The following DCBLD2 variants were observed in gnomAD, a reference collection of about 807,000 sequenced individuals.
DCBLD2 encodes discoidin, CUB and LCCL domain containing 2.
Under a neutral mutation model 86.8 loss-of-function variants are expected in DCBLD2, and 54 were observed. The observed-to-expected ratio is 0.62, with a 90% confidence interval of 0.50 to 0.78. DCBLD2 has a LOEUF of 0.78. Among genes scored for constraint, DCBLD2 ranks in the 30% least tolerant of loss-of-function variants. The pLI, the probability that DCBLD2 is intolerant of heterozygous loss-of-function variation, is 0.00. For synonymous variants in DCBLD2, 354 were observed against 341.3 expected (o/e 1.04, Z -0.41); for missense variants, 908 against 954.2 (o/e 0.95, Z 0.64).
Position 98,831,637 on chromosome 3 carries a change from T to C in DCBLD2, c.572-6271A>G, listed in dbSNP as rs72934691. Among the ~76,000 whole-genome samples, 931 of 152,334 alleles carry C rather than the reference T, an allele frequency of 6.1e-3. 8 individuals are homozygous for C. Among genetic ancestry groups the C allele is most frequent in the African/African-American group, 0.021 (876 of 41,580 alleles). On this transcript the variant is annotated intron_variant, in intron 3 of 15. Coordinates refer to ENST00000326840, the MANE Select transcript of DCBLD2 (RefSeq NM_080927.4). The stretch of plus-strand genomic sequence containing the variant: ...AATGCCTTAGCTGCATCCCGGAGAT[T>C]CTGGAATGTTGTATCTTTGTTCTCA...
Position 98,822,335 on chromosome 3 carries a change from C to T in DCBLD2, c.723G>A (p.Val241=), listed in dbSNP as rs199596311. 2,249 of 1,613,944 alleles carry T rather than the reference C, an allele frequency of 1.4e-3. 3 individuals carry two copies. The highest frequency in any genetic ancestry group is 2.4e-3 in the Admixed American group (146 of 60,014). The change falls in exon 6 of 16, where the codon GTG becomes GTA. Residue 241 remains valine (V), a synonymous_variant. Coordinates refer to ENST00000326840, the MANE Select transcript of DCBLD2 (RefSeq NM_080927.4). ...RDSSPLCMAG[V]HAGVVSNTLG... is the part of the protein sequence containing the mutation. ...ACGTGTTTGACACTACTCCTGCATG[C>T]ACACCAGCCATGCACAATGGCGAGG... is the stretch of plus-strand genomic sequence containing the variant.
At chr3:98,845,350 C>T (rs146976977) in intron 3 of DCBLD2, among the ~76,000 whole-genome samples, 1,716 of 152,290 alleles carry the variant, frequency 0.011, 7 homozygotes, top group Non-Finnish European at 0.018. Context: ...AAGAGGGCTT[C>T]CTAATGCTCA....
At chr3:98,859,735 A>T (rs1231303214) in intron 2 of DCBLD2, among the ~76,000 whole-genome samples, 2 of 152,230 alleles carry the variant, frequency 1.3e-5, no homozygotes, top group Non-Finnish European at 2.9e-5. Context: ...TGTCACCAAC[A>T]TCAAAGACCA....
chr3:98,817,618 A>G (rs1942046766), intron 9 of DCBLD2, 151 bp downstream of exon 9: 3 of 613,762 alleles, frequency 4.9e-6, no homozygotes, highest in Non-Finnish European at 7.8e-6. Context: ...AAGTCAGTAG[A>G]GTAAGGCCAA....
Position 98,849,449 on chromosome 3 carries a change from G to C in DCBLD2, c.571+12C>G. 6.2e-7 allele frequency: 1 copy of C among 1,613,834 alleles called. No individual in the cohort carries two copies. Among genetic ancestry groups the C allele is most frequent in the East Asian group, 2.2e-5 (1 of 44,840 alleles). ...ACAAACTGTAGGAACCATTGCAAAAGGTGAAAATTACCTTGTTTATCTATA... is the reference window on the plus strand; with the variant it reads ...ACAAACTGTAGGAACCATTGCAAAACGTGAAAATTACCTTGTTTATCTATA... On this transcript the variant is annotated intron_variant, in intron 3 of 15. Coordinates refer to ENST00000326840, the MANE Select transcript of DCBLD2 (RefSeq NM_080927.4).
rs1258647666 is a variant in DCBLD2, at chr3:98,887,743, C to T, written c.206-5976G>A. 3.9e-5 allele frequency among the ~76,000 whole-genome samples: 6 copies of T among 151,910 alleles called. No homozygotes were observed. The East Asian group carries it at 9.6e-4, about 24-fold the overall frequency. ...GAAAGAACAGATATTTGTCATATAT[C>T]CCTTGCCCCTACACTTGCATAGCCT... On this transcript the variant is annotated intron_variant, in intron 1 of 15. Transcript: ENST00000326840.
chr3:98,857,960 C>T lies in DCBLD2; in HGVS notation c.434-8362G>A, dbSNP rs567847739. Among the ~76,000 whole-genome samples the T allele has an allele frequency of 9.3e-4, 142 of 152,376 alleles. 1 individual carries two copies. Among genetic ancestry groups the T allele is most frequent in the African/African-American group, 2.9e-3 (122 of 41,592 alleles). Reference sequence around the variant, plus strand: ...CAGGTGGAGCTGCCTGCCAGTCCCGCGCCGTGCGCCCGCACTCCTCAGCCC... The same window carrying T: ...CAGGTGGAGCTGCCTGCCAGTCCCGTGCCGTGCGCCCGCACTCCTCAGCCC... On this transcript the variant is annotated intron_variant, in intron 2 of 15. Coordinates refer to ENST00000326840, the MANE Select transcript of DCBLD2 (RefSeq NM_080927.4).
Position 98,799,523 on chromosome 3 carries a change from G to C in DCBLD2, c.2177C>G (p.Ser726Cys), listed in dbSNP as rs1418633939. The change falls in exon 16 of 16, where the codon TCC becomes TGC. Residue 726 changes from serine (S) to cysteine (C), a missense_variant. Physicochemically the swap from Ser to Cys is moderately radical, Grantham distance 112. Coordinates refer to ENST00000326840, the MANE Select transcript of DCBLD2 (RefSeq NM_080927.4). ...GGTATCATACTGGGCCTGGGCTGAG[G>C]AGCAGCTGTCAGTCCTGGAGAGAAG... ...NTLLSRTDSCSSAQAQYDTPK... is the reference protein window; with the variant it reads ...NTLLSRTDSCCSAQAQYDTPK... 6.2e-7 allele frequency: 1 copy of C among 1,614,006 alleles called. No homozygotes were observed. Among genetic ancestry groups the C allele is most frequent in the Non-Finnish European group, 8.5e-7 (1 of 1,179,900 alleles).
At chr3:98,872,665 C>A (rs142234160) in intron 2 of DCBLD2, among the ~76,000 whole-genome samples, 4 of 151,740 alleles carry the variant, frequency 2.6e-5, no homozygotes, top group Admixed American at 1.3e-4. Context: ...ATGGACAAAT[C>A]GGATAGTAAA....
intron 3 of DCBLD2, among the ~76,000 whole-genome samples, chr3:98,843,300 TTAATAG>T (rs1205336014): frequency 2.6e-5 from 4 of 152,202 alleles, no homozygotes. Flanking sequence ...CTTACTAAGT[TTAATAG>T]TATCAGAGTT....
intron 3 of DCBLD2, among the ~76,000 whole-genome samples, chr3:98,829,072 A>G (rs554299446): frequency 1.3e-5 from 2 of 152,350 alleles, no homozygotes; most frequent in South Asian, 2.1e-4. Context: ...GGTGATAAAT[A>G]TGTTCTAAAA....
At chr3:98,835,604 C>T (rs1416324575) in intron 3 of DCBLD2, among the ~76,000 whole-genome samples, 1 of 147,630 alleles carries the variant, frequency 6.8e-6, no homozygotes, top group Non-Finnish European at 1.5e-5. Context: ...GCCTTGAGTG[C>T]AATGGTGCAA....
intron 13 of DCBLD2, among the ~76,000 whole-genome samples, chr3:98,807,753 T>C (rs1941866106): frequency 6.6e-6 from 1 of 152,166 alleles, no homozygotes; most frequent in Admixed American, 6.6e-5. Context: ...ATATAGTTCC[T>C]TGTTAGTCAA....
intron 8 of DCBLD2, among the ~76,000 whole-genome samples, chr3:98,818,416 T>A (rs1324034402): frequency 6.6e-6 from 1 of 152,194 alleles, no homozygotes; most frequent in Non-Finnish European, 1.5e-5. Flanking sequence ...TTATTTTAGA[T>A]GTCTCAAGAC....
chr3:98,879,515 T>C (rs1426248230), intron 2 of DCBLD2, among the ~76,000 whole-genome samples: 2 of 152,070 alleles, frequency 1.3e-5, no homozygotes, highest in Non-Finnish European at 2.9e-5. Context: ...GCCTCCCAAG[T>C]AGCTGGGACT....
chr3:98,879,681 G>C (rs1402891629), intron 2 of DCBLD2, among the ~76,000 whole-genome samples: 1 of 152,154 alleles, frequency 6.6e-6, no homozygotes, highest in African/African-American at 2.4e-5. Flanking sequence ...TGGTTAGCTT[G>C]AATCAAGATC....
Position 98,881,545 on chromosome 3 carries a change from T to C in DCBLD2, c.428A>G (p.Glu143Gly), listed in dbSNP as rs973008502. 2.5e-6 allele frequency: 4 copies of C among 1,613,438 alleles called. No homozygotes were observed. The Admixed American group carries it at 6.7e-5, about 27-fold the overall frequency. Residue 143 changes from glutamate to glycine, a missense_variant, in exon 2 of 16, where the codon GAA (glutamate) becomes GGA (glycine). Around this residue, in one of 3 missense-constraint regions of DCBLD2, gnomAD observed 294 missense variants for 256.0 expected, o/e 1.15. Coordinates refer to ENST00000326840, the MANE Select transcript of DCBLD2 (RefSeq NM_080927.4). ...TTTACAAAAAAAAGTCCTACCTATTTCAGTTCTGCTGACTCCAATTCCATT... is the reference window on the plus strand; with the variant it reads ...TTTACAAAAAAAAGTCCTACCTATTCCAGTTCTGCTGACTCCAATTCCATT... ...IYNGIGVSRTEIGKYCGLGLQ... is the reference protein window; with the variant it reads ...IYNGIGVSRTGIGKYCGLGLQ...
intron 3 of DCBLD2, among the ~76,000 whole-genome samples, chr3:98,844,510 C>CA (rs1398960811): frequency 6.6e-6 from 1 of 151,888 alleles, no homozygotes; most frequent in Non-Finnish European, 1.5e-5. Context: ...TACAGGCACC[C>CA]ACCACCACGC....
At chr3:98,800,356 CAG>C (rs554882595) in intron 15 of DCBLD2, among the ~76,000 whole-genome samples, 277 of 152,270 alleles carry the variant, frequency 1.8e-3, no homozygotes, top group Admixed American at 6.5e-3. Flanking sequence ...ACATAATGCC[CAG>C]AGTCTTTAGA....
Sources: gnomAD v4.1 joint callset for allele counts (sites outside exome capture counted in the v4.1 genomes callset) on GRCh38, gnomAD v4.1.1 for gene constraint, gnomAD v4.1.1 regional missense constraint, MANE v1.5 for transcripts, NCBI Gene and HGNC (gene_info 2026-07-23, HGNC 2026-07-21) for gene names.